PTPRD: variants seen among roughly 807,000 people sequenced by gnomAD.
The protein encoded by PTPRD is protein tyrosine phosphatase receptor type D.
In PTPRD, 34 loss-of-function variants were observed where a neutral mutation model predicts 214.5. The ratio of observed to expected loss-of-function variants is 0.16; its 90% confidence interval spans 0.12 to 0.21. PTPRD has a LOEUF of 0.21. PTPRD is among the 10% of genes least tolerant of loss of function. The pLI is 1.00. For synonymous variants in PTPRD, 1,128 were observed against 845.7 expected, an observed-to-expected ratio of 1.33 and a Z score of -5.79; for missense variants, 2,545 against 2,398.7, an observed-to-expected ratio of 1.06 and a Z score of -1.27.
chr9:8,760,910 C>G (rs1447350699), intron 11 of PTPRD, among the ~76,000 whole-genome samples: 1 of 152,008 alleles, frequency 6.6e-6, no homozygotes, highest in East Asian at 1.9e-4. Flanking sequence ...GTGAGTAGTT[C>G]CACTTCTATT....
intron 9 of PTPRD, among the ~76,000 whole-genome samples, chr9:9,214,356 T>G (rs1310867674): frequency 6.6e-6 from 1 of 152,230 alleles, no homozygotes; most frequent in Non-Finnish European, 1.5e-5. Flanking sequence ...AAATTGCATT[T>G]TCAGCATTGC....
intron 6 of PTPRD, among the ~76,000 whole-genome samples, chr9:9,760,257 T>C (rs1447724697): frequency 6.6e-6 from 1 of 152,150 alleles, no homozygotes; most frequent in African/African-American, 2.4e-5. Context: ...TCATACATCT[T>C]ACTGAAACCA....
At chr9:10,206,447 G>C (rs1172296594) in intron 3 of PTPRD, among the ~76,000 whole-genome samples, 1 of 152,086 alleles carries the variant, frequency 6.6e-6, no homozygotes, top group Non-Finnish European at 1.5e-5. Context: ...TTATATATCA[G>C]GCTATTGAAA....
At chr9:9,385,939 A>G (rs1046843524) in intron 9 of PTPRD, among the ~76,000 whole-genome samples, 1 of 151,950 alleles carries the variant, frequency 6.6e-6, no homozygotes, top group African/African-American at 2.4e-5. Context: ...AAGTATGAAC[A>G]CTCACCAGGA....
At chr9:8,932,938 C>T (rs943844215) in intron 11 of PTPRD, among the ~76,000 whole-genome samples, 4 of 152,122 alleles carry the variant, frequency 2.6e-5, no homozygotes, top group African/African-American at 9.7e-5. Context: ...CTGCAGCTAG[C>T]TTGGTGTCTG....
At chr9:9,433,003 G>C (rs1273373017) in intron 8 of PTPRD, among the ~76,000 whole-genome samples, 1 of 152,124 alleles carries the variant, frequency 6.6e-6, no homozygotes, top group Admixed American at 6.6e-5. Context: ...AATCAGAGGG[G>C]TATAATATGT....
At chr9:9,650,738 A>C (rs563840336) in intron 7 of PTPRD, among the ~76,000 whole-genome samples, 4 of 152,242 alleles carry the variant, frequency 2.6e-5, no homozygotes, top group African/African-American at 9.6e-5. Context: ...ACACAAGTTT[A>C]TCTATGTAAC....
chr9:10,421,875 T>A (rs1484665747), intron 2 of PTPRD, among the ~76,000 whole-genome samples: 1 of 151,888 alleles, frequency 6.6e-6, no homozygotes, highest in Non-Finnish European at 1.5e-5. Context: ...ATAACAGCAG[T>A]CCTTTATTAT....
At chr9:8,341,390 T>A (rs915934215) in intron 40 of PTPRD, 122 bp from the exon 41 acceptor site, 42 of 1,067,238 alleles carry the variant, frequency 3.9e-5, no homozygotes, top group Admixed American at 7.9e-5. Flanking sequence ...TTAAAGTAAA[T>A]GACTATTCAA....
At chr9:9,768,980 C>G (rs989053389) in intron 5 of PTPRD, among the ~76,000 whole-genome samples, 3 of 152,074 alleles carry the variant, frequency 2.0e-5, no homozygotes, top group Non-Finnish European at 2.9e-5. Context: ...TTCTGATAGG[C>G]ACATACACCC....
intron 12 of PTPRD, among the ~76,000 whole-genome samples, chr9:8,676,386 T>A (rs2097418719): frequency 6.6e-6 from 1 of 150,398 alleles, no homozygotes; most frequent in Non-Finnish European, 1.5e-5. Flanking sequence ...TCATTTTTTT[T>A]TTTTTTTTTT....
At chr9:8,807,297 A>G (rs2096706573) in intron 11 of PTPRD, among the ~76,000 whole-genome samples, 1 of 152,150 alleles carries the variant, frequency 6.6e-6, no homozygotes, top group African/African-American at 2.4e-5. Flanking sequence ...AGATCGCACC[A>G]CTGCACTCCA....
At chr9:9,481,243 T>C (rs1255864091) in intron 8 of PTPRD, among the ~76,000 whole-genome samples, 1 of 152,086 alleles carries the variant, frequency 6.6e-6, no homozygotes, top group Non-Finnish European at 1.5e-5. Flanking sequence ...TCAGACTTGG[T>C]GAGGTAGAAG....
At chr9:8,906,065 A>C (rs1340860988) in intron 11 of PTPRD, among the ~76,000 whole-genome samples, 1 of 152,228 alleles carries the variant, frequency 6.6e-6, no homozygotes, top group African/African-American at 2.4e-5. Flanking sequence ...TCAGAGAGAC[A>C]CATGGCAAAT....
intron 11 of PTPRD, among the ~76,000 whole-genome samples, chr9:9,007,185 G>C (rs2072828207): frequency 1.3e-5 from 2 of 151,492 alleles, no homozygotes; most frequent in South Asian, 4.2e-4. Context: ...ATGAGTAGAG[G>C]TATATGTAGA....
At chr9:10,612,567 C>T (rs1436539261) in intron 1 of PTPRD, 62 bp from the exon 2 acceptor site, 1 of 152,232 alleles carries the variant, frequency 6.6e-6, no homozygotes, top group African/African-American at 2.4e-5. Context: ...TGGGGTGCTT[C>T]GATTTCTGAT....
At chr9:10,195,798 T>A (rs2099395764) in intron 3 of PTPRD, among the ~76,000 whole-genome samples, 3 of 152,158 alleles carry the variant, frequency 2.0e-5, no homozygotes, top group Admixed American at 2.0e-4. Flanking sequence ...TAAGCTAGAT[T>A]CCATACAAGA....
intron 3 of PTPRD, among the ~76,000 whole-genome samples, chr9:10,261,210 A>C (rs1269754150): frequency 6.6e-6 from 1 of 151,546 alleles, no homozygotes; most frequent in East Asian, 1.9e-4. Context: ...AAAACAAAAC[A>C]AAAACCTAGA....
At chr9:9,493,005 A>G (rs1419984618) in intron 8 of PTPRD, among the ~76,000 whole-genome samples, 1 of 147,744 alleles carries the variant, frequency 6.8e-6, no homozygotes, top group East Asian at 2.0e-4. Flanking sequence ...CTAATTGGCC[A>G]TTCTCCCATC....
Sources: allele counts gnomAD v4.1 joint callset (sites outside exome capture counted in the v4.1 genomes callset), GRCh38; gene constraint gnomAD v4.1.1; transcripts MANE v1.5; gene names NCBI Gene and HGNC (gene_info 2026-07-23, HGNC 2026-07-21).